Variants in DYNC2H1 observed in about 807,000 individuals in gnomAD.
DYNC2H1 encodes cytoplasmic dynein 2 heavy chain 1.
A neutral mutation model predicts 570.0 loss-of-function variants in DYNC2H1; 410 were observed. That is an observed-to-expected ratio of 0.72 (90% CI 0.66 to 0.78). The LOEUF is 0.78. Ranked by LOEUF, DYNC2H1 falls within the 30% of genes least tolerant of loss-of-function variation. The pLI is 0.00. For synonymous variants in DYNC2H1, 1,688 were observed against 1,677.6 expected (o/e 1.01, Z -0.15); for missense variants, 4,865 against 5,046.4 (o/e 0.96, Z 1.09).
chr11:103,345,511 C>T (rs568495324), intron 82 of DYNC2H1, among the ~76,000 whole-genome samples: 2 of 152,276 alleles, frequency 1.3e-5, no homozygotes, highest in East Asian at 3.9e-4. Flanking sequence ...TGTTGCCAGT[C>T]TGGTGGGTTA....
At position 103,125,142 on chromosome 11, in the gene DYNC2H1, T is replaced by A; in HGVS notation, c.1704T>A (p.Asp568Glu). Residue 568 changes from aspartate to glutamate, a missense_variant, in exon 12 of 89, where the codon GAT (aspartate) becomes GAA (glutamate). By Grantham distance (45) the Asp-to-Glu change is conservative (BLOSUM62 2). Coordinates refer to ENST00000375735, the MANE Select transcript of DYNC2H1 (RefSeq NM_001377.3). ...SSRIMELDSN[D>E]GLLKVHYSDR... ...GAATTATGGAATTGGATTCTAATGA[T>A]GGATTACTAAAAGTGCATTATTCAG... 3.1e-6 allele frequency: 5 copies of A among 1,613,576 alleles called. No homozygotes were observed. Among genetic ancestry groups the A allele is most frequent in the Non-Finnish European group, 4.2e-6 (5 of 1,179,728 alleles).
rs1864420380 is a variant in DYNC2H1 at position 103,241,494 on chromosome 11, G to A, written c.9820-2199G>A. On this transcript the variant is annotated intron_variant, in intron 63 of 88. Coordinates refer to ENST00000375735, the MANE Select transcript of DYNC2H1 (RefSeq NM_001377.3). This position sits in a 1 kb window ranked among gnomAD's most constrained non-coding sequence, Gnocchi z 5.1. ...TTCTTTGCTAAAAACATTTTGAAATGTTACCTTTCTTCTTTTCATTTAACT... is the reference window on the plus strand; with the variant it reads ...TTCTTTGCTAAAAACATTTTGAAATATTACCTTTCTTCTTTTCATTTAACT... 6.9e-6 allele frequency: 11 copies of A among 1,586,410 alleles called. No homozygotes were observed. The highest frequency in any genetic ancestry group is 9.5e-6 in the Non-Finnish European group (11 of 1,159,562).
chr11:103,457,127 G>A (rs1039441880), intron 87 of DYNC2H1, among the ~76,000 whole-genome samples: 13 of 152,184 alleles, frequency 8.5e-5, no homozygotes, highest in Non-Finnish European at 7.3e-5. Context: ...GCACACATTA[G>A]TCCTGTGTTT....
chr11:103,323,746 TATC>T (rs1382999511), intron 81 of DYNC2H1, 137 bp from the exon 82 acceptor site: 4 of 619,638 alleles, frequency 6.5e-6, no homozygotes, highest in Admixed American at 6.0e-5. Flanking sequence ...ACTGAGTTAA[TATC>T]ATACAAAGTG....
intron 31 of DYNC2H1, among the ~76,000 whole-genome samples, chr11:103,167,045 A>C (rs564483936): frequency 6.0e-5 from 6 of 99,196 alleles, no homozygotes; most frequent in Non-Finnish European, 9.5e-5. Context: ...CATAATTTCT[A>C]CTGCTCTGTC....
intron 83 of DYNC2H1, among the ~76,000 whole-genome samples, chr11:103,377,085 T>G (rs1404858318): frequency 2.0e-5 from 3 of 152,210 alleles, no homozygotes; most frequent in Non-Finnish European, 2.9e-5. Flanking sequence ...TGGATTGAAA[T>G]GTAGAACTTT....
In DYNC2H1 at chr11:103,275,254, T is replaced by A. The variant is rs1865864022; in HGVS notation, c.10696-5094T>A. On this transcript the variant is annotated intron_variant, in intron 70 of 88. Transcript: ENST00000375735. The surrounding 1 kb of genome is among the most constrained non-coding windows in gnomAD (Gnocchi z 4.8). ...GAAAGTATAGAGATTTCCCATACATTCCTTGCCTCCACATACTGTACAGCC... is the reference window on the plus strand; with the variant it reads ...GAAAGTATAGAGATTTCCCATACATACCTTGCCTCCACATACTGTACAGCC... Among the ~76,000 whole-genome samples, 1 of 152,150 alleles carries A rather than the reference T, an allele frequency of 6.6e-6. No homozygotes were observed. Among genetic ancestry groups the A allele is most frequent in the Non-Finnish European group, 1.5e-5 (1 of 68,018 alleles).
intron 36 of DYNC2H1, among the ~76,000 whole-genome samples, chr11:103,175,754 C>A (rs12277383): frequency 2.0e-5 from 3 of 152,092 alleles, no homozygotes; most frequent in African/African-American, 7.2e-5. Context: ...TGGAGAGGCA[C>A]CTGAATTTAG....
rs745575478 is a variant in DYNC2H1 at position 103,152,109 on chromosome 11, A to ATT, written c.2947-25_2947-24dup. Reference sequence around the variant, plus strand: ...ATTTGATAAAATAGGTTGTTATTCAATTTGTTTTTTTTTTTTTAACCTTTA... The same window carrying ATT: ...ATTTGATAAAATAGGTTGTTATTCAATTTTTGTTTTTTTTTTTTTAACCTTTA... On this transcript the variant is annotated intron_variant, in intron 20 of 88. Coordinates refer to ENST00000375735, the MANE Select transcript of DYNC2H1 (RefSeq NM_001377.3). 9.6e-5 allele frequency: 111 copies of ATT among 1,155,248 alleles called. No homozygotes were observed. The African/African-American group carries it at 1.5e-3, about 16-fold the overall frequency. The allele number at this position is 1,155,248 out of a possible 1,614,324, so 71.6% of individuals were successfully genotyped here. A position where few individuals can be genotyped will look rare whatever the true frequency, so the allele number is the denominator to read the frequency against.
intron 83 of DYNC2H1, among the ~76,000 whole-genome samples, chr11:103,379,922 C>T (rs1482726075): frequency 6.6e-6 from 1 of 152,122 alleles, no homozygotes; most frequent in Non-Finnish European, 1.5e-5. Context: ...TTAAACTAGG[C>T]AAGTTCAGAT....
intron 69 of DYNC2H1, among the ~76,000 whole-genome samples, chr11:103,258,318 T>G (rs1230857209): frequency 6.6e-6 from 1 of 152,240 alleles, no homozygotes; most frequent in Non-Finnish European, 1.5e-5. Flanking sequence ...TAAGAGATGG[T>G]GAGGCTATAC....
intron 82 of DYNC2H1, among the ~76,000 whole-genome samples, chr11:103,340,166 GTT>G (rs1370347919): frequency 6.6e-6 from 1 of 152,134 alleles, no homozygotes; most frequent in Non-Finnish European, 1.5e-5. Flanking sequence ...TTAAAATAGT[GTT>G]TTCTTGTGTT....
At chr11:103,297,729 CT>C (rs745525786) in intron 75 of DYNC2H1, among the ~76,000 whole-genome samples, 1 of 152,064 alleles carries the variant, frequency 6.6e-6, no homozygotes, top group East Asian at 1.9e-4. Context: ...TCTTTCCTCT[CT>C]TTTCTTTCTT....
rs1248582292 is a variant in DYNC2H1, at chr11:103,421,884, A to G, written c.12367-14059A>G. On this transcript the variant is annotated intron_variant, in intron 84 of 88. Coordinates refer to ENST00000375735, the MANE Select transcript of DYNC2H1 (RefSeq NM_001377.3). ...GAGCTGAACTTTAAAAAGCCTTTAG[A>G]AAAAAATCAAAGAATCCAAGAACTG... Among the ~76,000 whole-genome samples the G allele has an allele frequency of 2.1e-5, 3 of 145,886 alleles. No homozygotes were observed. In the Admixed American group the frequency reaches 2.1e-4, roughly 10 times the overall value.
chr11:103,217,559 C>T (rs1863431915), intron 55 of DYNC2H1, among the ~76,000 whole-genome samples: 1 of 152,092 alleles, frequency 6.6e-6, no homozygotes, highest in South Asian at 2.1e-4. Context: ...AGAACCTTTA[C>T]CTTTTAACTT....
At chr11:103,236,725 T>C (rs2135202228) in intron 63 of DYNC2H1, among the ~76,000 whole-genome samples, 186 bp downstream of exon 63, 1 of 152,060 alleles carries the variant, frequency 6.6e-6, no homozygotes, top group Non-Finnish European at 1.5e-5. Flanking sequence ...TAATTTATTT[T>C]TTACCTTAAT....
intron 84 of DYNC2H1, among the ~76,000 whole-genome samples, chr11:103,418,985 C>A (rs1943381646): frequency 1.3e-5 from 2 of 152,164 alleles, no homozygotes; most frequent in Non-Finnish European, 2.9e-5. Context: ...AGGAAAGAGT[C>A]CACCTGTATA....
chr11:103,139,435 A>G (rs1859770292), intron 17 of DYNC2H1, among the ~76,000 whole-genome samples: 1 of 152,088 alleles, frequency 6.6e-6, no homozygotes, highest in Non-Finnish European at 1.5e-5. Context: ...GTTGGTTTCA[A>G]AGAACATCTT....
At chr11:103,274,462 ATTGTC>A (rs1463123870) in intron 70 of DYNC2H1, among the ~76,000 whole-genome samples, 6 of 152,084 alleles carry the variant, frequency 3.9e-5, no homozygotes, top group African/African-American at 2.4e-5. Context: ...TAATACATTT[ATTGTC>A]TTATTTATCT....
Sources: gnomAD v4.1 joint callset for allele counts (sites outside exome capture counted in the v4.1 genomes callset) on GRCh38, gnomAD v4.1.1 for gene constraint, Gnocchi (gnomAD v3.1) non-coding constraint, MANE v1.5 for transcripts, NCBI Gene and HGNC (gene_info 2026-07-23, HGNC 2026-07-21) for gene names.